The following ZNF469 variants were observed in gnomAD, a reference collection of about 807,000 sequenced individuals.
ZNF469 encodes zinc finger protein 469.
A neutral mutation model predicts 1.0 loss-of-function variants in ZNF469; 1 was observed. The ratio of observed to expected loss-of-function variants is 1.00; its 90% CI spans 0.35 to 4.73. The LOEUF (loss-of-function observed/expected upper bound fraction) is 4.73, where lower values mean the gene tolerates loss of function less well. Ranked by LOEUF, ZNF469 falls within the 30% of genes most tolerant of loss-of-function variation. ZNF469 has a pLI of 0.16. For synonymous variants in ZNF469, 2,703 were observed against 2,363.4 expected, an observed-to-expected ratio of 1.14 and a Z score of -4.17; for missense variants, 6,100 against 5,356.3, an observed-to-expected ratio of 1.14 and a Z score of -4.33.
At chr16:88,198,666 T>C in the ZNF469 span, among the ~76,000 whole-genome samples, 1 of 152,204 alleles carries the variant, frequency 6.6e-6, no homozygotes, top group Non-Finnish European at 1.5e-5. Flanking sequence ...GACGGGTTTC[T>C]TGATGGATGG....
chr16:88,299,287 G>A, the ZNF469 span, among the ~76,000 whole-genome samples: 1 of 150,122 alleles, frequency 6.7e-6, no homozygotes, highest in Non-Finnish European at 1.5e-5. Flanking sequence ...AGCAGGCGAG[G>A]GCTTCCTGAA....
the ZNF469 span, among the ~76,000 whole-genome samples, chr16:88,273,582 A>G: frequency 6.6e-6 from 1 of 152,238 alleles, no homozygotes; most frequent in Admixed American, 6.5e-5. Flanking sequence ...CATCTGTGGA[A>G]GACGGTATGG....
rs1181896413 is a variant in ZNF469 at position 88,430,379 on chromosome 16, G to A, written c.2909G>A (p.Gly970Asp). The A allele has an allele frequency of 1.3e-6, 2 of 1,511,746 alleles. No homozygotes were observed. Among genetic ancestry groups the A allele is most frequent in the East Asian group, 2.5e-5 (1 of 40,352 alleles). The allele number at this position is 1,511,746 out of a possible 1,614,324, so 93.6% of individuals were successfully genotyped here. Residue 970 changes from glycine to aspartate, a missense_variant, in exon 3 of 3, where the codon GGC (glycine) becomes GAC (aspartate). Coordinates refer to ENST00000565624, the MANE Select transcript of ZNF469 (RefSeq NM_001367624.2). Reference protein sequence around the residue: ...SGGAAEGSGSGGGGRASGLRP... With the variant: ...SGGAAEGSGSDGGGRASGLRP... ...GGCGCAGCAGAGGGGTCGGGGTCGG[G>A]CGGCGGCGGCAGAGCCTCCGGCCTG...
chr16:88,317,520 C>T, the ZNF469 span, among the ~76,000 whole-genome samples: 1 of 152,202 alleles, frequency 6.6e-6, no homozygotes, highest in South Asian at 2.1e-4. Context: ...AGACCCTTCC[C>T]TGGGAGGGGT....
chr16:88,414,441 C>T (rs1905254101), intron 1 of ZNF469, among the ~76,000 whole-genome samples: 2 of 152,266 alleles, frequency 1.3e-5, no homozygotes, highest in Admixed American at 1.3e-4. Context: ...GGACCGCAGA[C>T]TCGAGTTGTT....
intron 1 of ZNF469, among the ~76,000 whole-genome samples, chr16:88,391,698 A>G (rs1456214316): frequency 1.3e-5 from 2 of 152,236 alleles, no homozygotes; most frequent in South Asian, 4.1e-4. Flanking sequence ...AGCACCCGAC[A>G]CATCTTCAGG....
At chr16:88,211,120 A>G in the ZNF469 span, among the ~76,000 whole-genome samples, 1 of 152,192 alleles carries the variant, frequency 6.6e-6, no homozygotes, top group Non-Finnish European at 1.5e-5. Flanking sequence ...TTTTCCCCGC[A>G]TTCTTGATAC....
the ZNF469 span, among the ~76,000 whole-genome samples, chr16:88,363,866 T>G: frequency 1.3e-5 from 2 of 152,348 alleles, no homozygotes; most frequent in Non-Finnish European, 2.9e-5. Flanking sequence ...CAGTTGATAG[T>G]TATTACCTGC....
At chr16:88,225,087 G>A in the ZNF469 span, among the ~76,000 whole-genome samples, 1 of 152,318 alleles carries the variant, frequency 6.6e-6, no homozygotes, top group East Asian at 1.9e-4. Flanking sequence ...CTTCCCCTCA[G>A]TGCCTACGGG....
At chr16:88,391,637 G>A (rs905523927) in intron 1 of ZNF469, among the ~76,000 whole-genome samples, 10 of 152,228 alleles carry the variant, frequency 6.6e-5, no homozygotes, top group Non-Finnish European at 5.9e-5. Context: ...GGACAGGTGG[G>A]GCCGGGGGAC....
chr16:88,438,129 G>A lies in ZNF469; in HGVS notation c.10659G>A (p.Pro3553=), dbSNP rs957291420. Residue 3553 remains proline (P), a synonymous_variant, in exon 3 of 3, where the codon CCG becomes CCA. Coordinates refer to ENST00000565624, the MANE Select transcript of ZNF469 (RefSeq NM_001367624.2). ...LPSNHQECPP[P]SLSPFPAALA... ...CCAACCACCAGGAGTGTCCCCCGCC[G>A]TCTCTGTCTCCCTTCCCAGCTGCCT... is the stretch of plus-strand genomic sequence containing the variant. 62 of 1,550,354 alleles carry A rather than the reference G, an allele frequency of 4.0e-5. No individual in the cohort carries two copies. Among genetic ancestry groups the A allele is most frequent in the Admixed American group, 1.4e-4 (7 of 51,004 alleles).
At chr16:88,163,325 G>A in the ZNF469 span, among the ~76,000 whole-genome samples, 17 of 135,890 alleles carry the variant, frequency 1.3e-4, no homozygotes, top group Admixed American at 3.0e-4. Context: ...ATGGATGGAT[G>A]GATAGATAGA....
the ZNF469 span, among the ~76,000 whole-genome samples, chr16:88,216,493 CAA>C: frequency 2.7e-3 from 373 of 136,636 alleles, 2 homozygotes; most frequent in African/African-American, 8.8e-3. Flanking sequence ...GACTCCGTCT[CAA>C]AAAAAAAAAA....
At chr16:88,116,943 A>C in the ZNF469 span, among the ~76,000 whole-genome samples, 2 of 136,042 alleles carry the variant, frequency 1.5e-5, no homozygotes, top group Non-Finnish European at 3.2e-5. Context: ...TCCTTGCCTG[A>C]AGTGCATGCG....
chr16:88,323,086 C>G, the ZNF469 span, among the ~76,000 whole-genome samples: 1 of 152,220 alleles, frequency 6.6e-6, no homozygotes, highest in Non-Finnish European at 1.5e-5. Context: ...TTCCCCTCGT[C>G]TGTAAAGTGG....
At chr16:88,422,967 GGATT>G (rs1195803359) in intron 1 of ZNF469, among the ~76,000 whole-genome samples, 1 of 150,650 alleles carries the variant, frequency 6.6e-6, no homozygotes, top group Non-Finnish European at 1.5e-5. Flanking sequence ...GTGGATGGAT[GGATT>G]AATGGATGGA....
the ZNF469 span, among the ~76,000 whole-genome samples, chr16:88,291,215 T>G: frequency 0.57 from 87,325 of 152,036 alleles, 26,110 homozygotes; most frequent in East Asian, 0.78. Flanking sequence ...GAAGCACCAG[T>G]GGGCAGAAAC....
the ZNF469 span, among the ~76,000 whole-genome samples, chr16:88,323,267 CT>C: frequency 2.6e-5 from 4 of 152,174 alleles, no homozygotes; most frequent in Non-Finnish European, 1.5e-5. Context: ...TGCCATGCCC[CT>C]GGGAGGCTGG....
chr16:88,136,051 G>A, the ZNF469 span, among the ~76,000 whole-genome samples: 19 of 152,176 alleles, frequency 1.2e-4, no homozygotes, highest in Admixed American at 8.5e-4. Flanking sequence ...GAGCCACCGC[G>A]CCCGGCCAGC....
Sources: gnomAD v4.1 joint callset for allele counts (sites outside exome capture counted in the v4.1 genomes callset) on GRCh38, gnomAD v4.1.1 for gene constraint, MANE v1.5 for transcripts, NCBI Gene and HGNC (gene_info 2026-07-23, HGNC 2026-07-21) for gene names.